Variants in ABI1 observed in about 807,000 individuals in gnomAD.
ABI1 encodes the protein abl interactor 1, also known as Abelson interactor 1.
ABI1 carries 14 observed loss-of-function variants against 54.6 expected under a neutral mutation model. The observed-to-expected ratio is 0.26, with a 90% CI of 0.17 to 0.40. ABI1 has a LOEUF of 0.40. Ranked by LOEUF, ABI1 falls within the 10% of genes least tolerant of loss-of-function variation. The pLI is 1.00. For missense variants in ABI1, 443 were observed against 598.3 expected, an observed-to-expected ratio of 0.74 and a Z score of 2.71; for synonymous variants, 194 against 209.3, an observed-to-expected ratio of 0.93 and a Z score of 0.63.
At chr10:26,798,202 T>C (rs1004750092) in intron 2 of ABI1, among the ~76,000 whole-genome samples, 6 of 151,866 alleles carry the variant, frequency 4.0e-5, no homozygotes, top group Non-Finnish European at 8.8e-5. Context: ...GGGGACAAAA[T>C]TAAAATACCC....
intron 2 of ABI1, among the ~76,000 whole-genome samples, chr10:26,793,387 C>T (rs554074615): frequency 8.5e-5 from 13 of 152,278 alleles, no homozygotes; most frequent in African/African-American, 3.1e-4. Context: ...TCGAAGTTAA[C>T]TTGATTCAGA....
intron 1 of ABI1, among the ~76,000 whole-genome samples, chr10:26,841,221 A>G (rs1480460802): frequency 6.6e-6 from 1 of 152,202 alleles, no homozygotes; most frequent in East Asian, 1.9e-4. Flanking sequence ...GGTGGACATC[A>G]GCACTACCTG....
intron 2 of ABI1, among the ~76,000 whole-genome samples, chr10:26,821,128 C>A: frequency 6.7e-6 from 1 of 150,310 alleles, no homozygotes; most frequent in African/African-American, 2.4e-5. Context: ...ACCTGTAATC[C>A]CAGCTACTCA....
intron 2 of ABI1, among the ~76,000 whole-genome samples, chr10:26,788,636 G>T (rs1842996795): frequency 6.6e-6 from 1 of 151,956 alleles, no homozygotes; most frequent in African/African-American, 2.4e-5. Context: ...TTTGAGGCCG[G>T]GTGCAGTGGC....
chr10:26,832,609 T>A (rs1397670245), intron 1 of ABI1, among the ~76,000 whole-genome samples: 1 of 151,764 alleles, frequency 6.6e-6, no homozygotes, highest in Non-Finnish European at 1.5e-5. Context: ...ATAAAATAAA[T>A]AAATAAATAA....
Position 26,768,842 on chromosome 10 carries a change from A to T in ABI1, c.719+10T>A, listed in dbSNP as rs1370919942. On this transcript the variant is annotated intron_variant, in intron 6 of 10. Transcript: ENST00000376140. Reference sequence around the variant, plus strand: ...TTAGAGATGTTGAGATACTCAACCTAAAGGCTTACCTGTGTGTCCTTGGTC... The same window carrying T: ...TTAGAGATGTTGAGATACTCAACCTTAAGGCTTACCTGTGTGTCCTTGGTC... The T allele has an allele frequency of 1.9e-6, 3 of 1,608,154 alleles. No individual in the cohort carries two copies. The highest frequency in any genetic ancestry group is 2.5e-6 in the Non-Finnish European group (3 of 1,177,150).
chr10:26,818,959 C>T (rs765208418), intron 2 of ABI1, among the ~76,000 whole-genome samples: 2 of 152,288 alleles, frequency 1.3e-5, no homozygotes, highest in Middle Eastern at 3.4e-3. Context: ...CACCACTGTA[C>T]TCCAGCCTGG....
chr10:26,830,138 T>C (rs1164544862), intron 1 of ABI1, among the ~76,000 whole-genome samples: 2 of 152,208 alleles, frequency 1.3e-5, no homozygotes, highest in African/African-American at 4.8e-5. Flanking sequence ...TAGTGTTCTA[T>C]TGTATGGATG....
In ABI1 at chr10:26,751,614, C is replaced by A; in HGVS notation, c.1254G>T (p.Lys418Asn). ...YADGDPAWAP[K>N]NYIEKVVAIY... The stretch of plus-strand genomic sequence containing the variant: ...GTACCTTACCTTTCTCAATATAATT[C>A]TTGGGGGCCCAAGCAGGATCCCCAT... Residue 418 changes from lysine (K) to asparagine (N), a missense_variant, in exon 10 of 11, where the codon AAG (lysine) becomes AAT (asparagine). Physicochemically the swap from Lys to Asn is moderately conservative, Grantham distance 94 (BLOSUM62 0). Around this residue, in one of 2 missense-constraint regions of ABI1, gnomAD observed 49 missense variants for 113.5 expected, o/e 0.43. Coordinates refer to ENST00000376140, the MANE Select transcript of ABI1 (RefSeq NM_001012750.3). The A allele has an allele frequency of 6.2e-7, 1 of 1,612,016 alleles. No individual in the cohort carries two copies. The highest frequency in any genetic ancestry group is 8.5e-7 in the Non-Finnish European group (1 of 1,179,258).
At chr10:26,834,489 C>G (rs1176408271) in intron 1 of ABI1, among the ~76,000 whole-genome samples, 1 of 147,372 alleles carries the variant, frequency 6.8e-6, no homozygotes, top group Non-Finnish European at 1.5e-5. Flanking sequence ...GGCAAAAAAA[C>G]AAATAATCCA....
chr10:26,828,975 C>T (rs947589877), intron 1 of ABI1, among the ~76,000 whole-genome samples: 6 of 152,098 alleles, frequency 3.9e-5, no homozygotes, highest in African/African-American at 1.4e-4. Flanking sequence ...GCCTGTAATC[C>T]CAGCACTTTG....
chr10:26,772,848 G>A (rs1186737232), intron 3 of ABI1, among the ~76,000 whole-genome samples: 1 of 151,954 alleles, frequency 6.6e-6, no homozygotes, highest in Non-Finnish European at 1.5e-5. Flanking sequence ...CAAGGCAGGT[G>A]GACTGCTTGA....
At chr10:26,834,721 C>T (rs915318590) in intron 1 of ABI1, among the ~76,000 whole-genome samples, 2 of 152,124 alleles carry the variant, frequency 1.3e-5, no homozygotes, top group African/African-American at 4.8e-5. Context: ...AATCCCAGCA[C>T]TTTGGGAGGC....
intron 2 of ABI1, among the ~76,000 whole-genome samples, chr10:26,791,730 T>C (rs1049496841): frequency 1.3e-5 from 2 of 152,166 alleles, no homozygotes; most frequent in Non-Finnish European, 2.9e-5. Flanking sequence ...ACTTGGTATC[T>C]TACAGTGATA....
intron 2 of ABI1, among the ~76,000 whole-genome samples, chr10:26,800,502 G>A (rs1020372979): frequency 1.3e-5 from 2 of 152,152 alleles, no homozygotes; most frequent in African/African-American, 4.8e-5. Flanking sequence ...GGTCAGCCGC[G>A]CACGGTGGCT....
chr10:26,833,596 G>A (rs1464258137), intron 1 of ABI1, among the ~76,000 whole-genome samples: 8 of 152,022 alleles, frequency 5.3e-5, no homozygotes, highest in Admixed American at 5.2e-4. Context: ...CAAAACATTT[G>A]CTTCCTTCCA....
chr10:26,776,254 G>A (rs972578922), intron 3 of ABI1, among the ~76,000 whole-genome samples: 1 of 152,166 alleles, frequency 6.6e-6, no homozygotes, highest in African/African-American at 2.4e-5. Flanking sequence ...AATCCAGAAT[G>A]TAACAGATCT....
At chr10:26,857,848 CA>C (rs1168285053) in intron 1 of ABI1, among the ~76,000 whole-genome samples, 136 of 100,100 alleles carry the variant, frequency 1.4e-3, no homozygotes, top group African/African-American at 1.4e-3. Flanking sequence ...AAGTCTGTCT[CA>C]AAAAAAAAAA....
At chr10:26,834,548 AACACACACACACAC>A (rs571268846) in intron 1 of ABI1, among the ~76,000 whole-genome samples, 62 of 138,622 alleles carry the variant, frequency 4.5e-4, no homozygotes, top group Non-Finnish European at 6.1e-4. Context: ...AGACATACAA[AACACACACACACAC>A]ACACACACAC....
Sources: gnomAD v4.1 joint callset for allele counts (sites outside exome capture counted in the v4.1 genomes callset) on GRCh38, gnomAD v4.1.1 for gene constraint, gnomAD v4.1.1 regional missense constraint, MANE v1.5 for transcripts, NCBI Gene and HGNC (gene_info 2026-07-23, HGNC 2026-07-21) for gene names.